PPP2R2B: variants seen among roughly 807,000 people sequenced by gnomAD.
PPP2R2B encodes the protein serine/threonine-protein phosphatase 2A 55 kDa regulatory subunit B beta isoform.
PPP2R2B carries 5 observed loss-of-function variants against 46.0 expected under a neutral mutation model. The observed-to-expected ratio is 0.11, with a 90% confidence interval of 0.06 to 0.23. PPP2R2B has a LOEUF of 0.23. PPP2R2B is among the 10% of genes least tolerant of loss of function. The pLI is 1.00. For missense variants in PPP2R2B, 367 were observed against 575.0 expected, an observed-to-expected ratio of 0.64 and a Z score of 3.70; for synonymous variants, 215 against 206.7, an observed-to-expected ratio of 1.04 and a Z score of -0.34.
chr5:146,839,744 A>G (rs1465000042), intron 2 of PPP2R2B, among the ~76,000 whole-genome samples: 1 of 152,220 alleles, frequency 6.6e-6, no homozygotes, highest in African/African-American at 2.4e-5. Flanking sequence ...CTGGAATGAT[A>G]AAAACCATGA....
intron 2 of PPP2R2B, among the ~76,000 whole-genome samples, chr5:146,869,936 G>GGGTT (rs575299963): frequency 2.6e-5 from 4 of 151,928 alleles, no homozygotes; most frequent in Admixed American, 2.6e-4. Flanking sequence ...CACTGTGGTA[G>GGGTT]GGTCCTTCCT....
chr5:146,858,361 T>A (rs1488199064), intron 2 of PPP2R2B, among the ~76,000 whole-genome samples: 1 of 152,180 alleles, frequency 6.6e-6, no homozygotes, highest in Non-Finnish European at 1.5e-5. Flanking sequence ...AACCAACTAC[T>A]CACTGAATGT....
At chr5:146,996,091 C>A in intron 1 of PPP2R2B, among the ~76,000 whole-genome samples, 1 of 152,090 alleles carries the variant, frequency 6.6e-6, no homozygotes, top group East Asian at 1.9e-4. Context: ...TTTTTCAGGA[C>A]CAAGGACAGT....
intron 2 of PPP2R2B, among the ~76,000 whole-genome samples, chr5:146,849,305 A>T (rs1397788422): frequency 6.6e-6 from 1 of 152,180 alleles, no homozygotes; most frequent in Non-Finnish European, 1.5e-5. Context: ...ACTTGTGAAT[A>T]TATAAAGTTA....
chr5:146,736,349 C>A (rs1752537391), intron 2 of PPP2R2B, among the ~76,000 whole-genome samples: 1 of 152,164 alleles, frequency 6.6e-6, no homozygotes, highest in African/African-American at 2.4e-5. Flanking sequence ...TAACTAACAA[C>A]TGAGCGTTAT....
At chr5:146,749,610 T>TC (rs1753418611) in intron 2 of PPP2R2B, among the ~76,000 whole-genome samples, 2 of 145,724 alleles carry the variant, frequency 1.4e-5, no homozygotes, top group Non-Finnish European at 3.0e-5. Context: ...TCTTTTCTTT[T>TC]TTTTTTTTTT....
At position 146,930,299 on chromosome 5, in the gene PPP2R2B, G is replaced by A. The variant is rs192213139; in HGVS notation, c.79+125366C>T. Among the ~76,000 whole-genome samples the A allele has an allele frequency of 1.1e-3, 175 of 152,282 alleles. 1 individual carries two copies. Among genetic ancestry groups the A allele is most frequent in the African/African-American group, 3.7e-3 (152 of 41,580 alleles). On this transcript the variant is annotated intron_variant, in intron 1 of 8. Coordinates refer to the PPP2R2B transcript ENST00000336640. Reference sequence around the variant, plus strand: ...GAACAACAAGGACAGATGTGTCAAGGGAGGAATAAGCTTGGCTTGCTCAGG... The same window carrying A: ...GAACAACAAGGACAGATGTGTCAAGAGAGGAATAAGCTTGGCTTGCTCAGG...
intron 1 of PPP2R2B, among the ~76,000 whole-genome samples, chr5:147,022,787 A>G (rs371680750): frequency 6.6e-6 from 1 of 152,126 alleles, no homozygotes; most frequent in African/African-American, 2.4e-5. Flanking sequence ...AGAGCAAACC[A>G]TAAGATAATG....
At chr5:146,893,597 A>G (rs1448588653) in intron 1 of PPP2R2B, among the ~76,000 whole-genome samples, 1 of 152,052 alleles carries the variant, frequency 6.6e-6, no homozygotes, top group Non-Finnish European at 1.5e-5. Context: ...AGGTGGGCGG[A>G]TCATTTGAGG....
intron 2 of PPP2R2B, among the ~76,000 whole-genome samples, chr5:147,072,934 A>G (rs1415810152): frequency 6.6e-6 from 1 of 152,148 alleles, no homozygotes; most frequent in Non-Finnish European, 1.5e-5. Context: ...TTACTCTAGC[A>G]AGCCTTCCCT....
chr5:147,002,568 T>C (rs1842342), intron 1 of PPP2R2B, among the ~76,000 whole-genome samples: 148,764 of 151,946 alleles, frequency 0.98, 72,836 homozygotes, highest in East Asian at 1. Flanking sequence ...TTTCTCGGTC[T>C]TCTTTGTGGT....
At chr5:146,686,859 A>G (rs1778535967) in intron 5 of PPP2R2B, among the ~76,000 whole-genome samples, 1 of 152,152 alleles carries the variant, frequency 6.6e-6, no homozygotes, top group Admixed American at 6.5e-5. Flanking sequence ...ATGAGCTCCC[A>G]TTACCTAGAA....
chr5:146,938,718 C>G (rs1404354386), intron 1 of PPP2R2B, among the ~76,000 whole-genome samples: 1 of 115,012 alleles, frequency 8.7e-6, no homozygotes, highest in Non-Finnish European at 1.8e-5. Flanking sequence ...TCTAATTTTT[C>G]AAAAATTGGA....
Position 146,638,312 on chromosome 5 carries a change from G to A in PPP2R2B, c.729C>T (p.Ser243=). The part of the protein sequence containing the change: ...HHCNTFVYSS[S]KGTIRLCDMR... ...TGTCACACAGCCGGATTGTCCCTTT[G>A]CTGCTGCTGTACACGAAGGTGTTGC... The change falls in exon 7 of 10, where the codon AGC becomes AGT. Residue 243 remains serine (S), a synonymous_variant. Transcript: ENST00000394411. 6.2e-7 allele frequency: 1 copy of A among 1,613,916 alleles called. No individual in the cohort carries two copies. Among genetic ancestry groups the A allele is most frequent in the Non-Finnish European group, 8.5e-7 (1 of 1,179,846 alleles).
intron 5 of PPP2R2B, among the ~76,000 whole-genome samples, chr5:146,675,736 G>C (rs1777666985): frequency 6.6e-6 from 1 of 152,008 alleles, no homozygotes; most frequent in African/African-American, 2.4e-5. Flanking sequence ...AGTTTTCTTT[G>C]CATGGACAGC....
At chr5:146,735,920 T>C (rs1018004152) in intron 2 of PPP2R2B, among the ~76,000 whole-genome samples, 1 of 152,210 alleles carries the variant, frequency 6.6e-6, no homozygotes, top group Non-Finnish European at 1.5e-5. Context: ...GGCATTATTA[T>C]TTATGATTGC....
At chr5:146,677,885 A>G (rs583183) in intron 5 of PPP2R2B, among the ~76,000 whole-genome samples, 41,014 of 152,050 alleles carry the variant, frequency 0.27, 7,901 homozygotes, top group African/African-American at 0.54. Flanking sequence ...GCCCCATGAG[A>G]GCAGAGACCA....
chr5:146,880,225 G>GTGTGT (rs1762122406), upstream of PPP2R2B, among the ~76,000 whole-genome samples: 1 of 143,942 alleles, frequency 6.9e-6, no homozygotes, highest in African/African-American at 2.6e-5. Flanking sequence ...GTGTGTGTGT[G>GTGTGT]GTGGGGGGAG....
intron 1 of PPP2R2B, among the ~76,000 whole-genome samples, chr5:147,020,139 G>C (rs1037082581): frequency 4.6e-5 from 7 of 152,012 alleles, no homozygotes; most frequent in African/African-American, 1.4e-4. Flanking sequence ...TCCCCACTCA[G>C]ATTTTCTCTC....
Sources: gnomAD v4.1 joint callset for allele counts (sites outside exome capture counted in the v4.1 genomes callset) on GRCh38, gnomAD v4.1.1 for gene constraint, MANE v1.5 for transcripts, NCBI Gene and HGNC (gene_info 2026-07-23, HGNC 2026-07-21) for gene names.